ARL15: variants seen among roughly 807,000 people sequenced by gnomAD.
ARL15 encodes ARF like GTPase 15.
In ARL15, 19 loss-of-function variants were observed where a neutral mutation model predicts 25.2. The observed-to-expected ratio is 0.75, with a 90% CI of 0.53 to 1.10. The LOEUF is 1.10. Ranked by LOEUF, ARL15 falls within the 50% of genes least tolerant of loss-of-function variation. The pLI is 0.00. For synonymous variants in ARL15, 94 were observed against 86.8 expected (o/e 1.08, Z -0.46); for missense variants, 220 against 246.0 (o/e 0.89, Z 0.71).
At chr5:53,890,358 T>G (rs1744672818) in intron 4 of ARL15, among the ~76,000 whole-genome samples, 1 of 152,202 alleles carries the variant, frequency 6.6e-6, no homozygotes, top group Non-Finnish European at 1.5e-5. Context: ...AATGATCTAT[T>G]TTTTATGATG....
intron 4 of ARL15, among the ~76,000 whole-genome samples, chr5:54,066,432 T>C (rs914883067): frequency 6.6e-6 from 1 of 152,218 alleles, no homozygotes; most frequent in Non-Finnish European, 1.5e-5. Flanking sequence ...TTAGATGTTA[T>C]ATAGCATGAA....
chr5:54,184,777 C>T (rs1016764128), intron 1 of ARL15, among the ~76,000 whole-genome samples: 1 of 152,114 alleles, frequency 6.6e-6, no homozygotes, highest in Non-Finnish European at 1.5e-5. Flanking sequence ...ATGAATCTGT[C>T]CAACTTTGCC....
intron 1 of ARL15, among the ~76,000 whole-genome samples, chr5:54,193,173 C>G (rs1489761491): frequency 6.6e-6 from 1 of 152,110 alleles, no homozygotes; most frequent in Non-Finnish European, 1.5e-5. Flanking sequence ...TCAATCCTAC[C>G]ACCCACAAAA....
intron 4 of ARL15, among the ~76,000 whole-genome samples, chr5:53,982,343 AC>A (rs1748151201): frequency 1.6e-5 from 1 of 61,080 alleles, no homozygotes; most frequent in Admixed American, 1.5e-4. Flanking sequence ...CTACCCCCCC[AC>A]CCCCTGACAG....
chr5:54,129,854 C>A (rs1387500395), intron 3 of ARL15, among the ~76,000 whole-genome samples: 2 of 152,110 alleles, frequency 1.3e-5, no homozygotes, highest in Non-Finnish European at 1.5e-5. Context: ...GATGAGAATT[C>A]TTTTTAAAAC....
chr5:54,268,801 G>A (rs1757698777), intron 1 of ARL15, among the ~76,000 whole-genome samples: 1 of 152,126 alleles, frequency 6.6e-6, no homozygotes. Flanking sequence ...ATTCACAATA[G>A]CAAAGACTTG....
At chr5:54,223,303 G>C (rs146288371) in intron 1 of ARL15, among the ~76,000 whole-genome samples, 231 of 152,050 alleles carry the variant, frequency 1.5e-3, no homozygotes, top group African/African-American at 5.3e-3. Flanking sequence ...GACCACCTAG[G>C]ATATGTTTGT....
intron 4 of ARL15, among the ~76,000 whole-genome samples, chr5:54,097,626 C>G (rs156825): frequency 0.21 from 31,395 of 152,088 alleles, 3,972 homozygotes; most frequent in East Asian, 0.68. Flanking sequence ...AAGTAGATCA[C>G]TTTTAGGTTC....
intron 4 of ARL15, among the ~76,000 whole-genome samples, chr5:54,089,441 A>G (rs1372764945): frequency 3.9e-5 from 6 of 152,218 alleles, no homozygotes; most frequent in African/African-American, 1.4e-4. Flanking sequence ...AATCCTCCCC[A>G]TAATTATGGA....
intron 1 of ARL15, among the ~76,000 whole-genome samples, chr5:54,203,026 G>A (rs1398354319): frequency 6.6e-6 from 1 of 152,062 alleles, no homozygotes; most frequent in African/African-American, 2.4e-5. Flanking sequence ...ATTTCAGGGG[G>A]TTCCCTATTT....
chr5:54,086,061 TGC>T (rs1396382055), intron 4 of ARL15, among the ~76,000 whole-genome samples: 1 of 152,064 alleles, frequency 6.6e-6, no homozygotes, highest in Non-Finnish European at 1.5e-5. Flanking sequence ...ATTACAGGCA[TGC>T]GCCACCACGC....
chr5:54,035,617 A>G (rs1430086318), intron 4 of ARL15, among the ~76,000 whole-genome samples: 1 of 152,244 alleles, frequency 6.6e-6, no homozygotes, highest in Non-Finnish European at 1.5e-5. Context: ...TCCAGGAACT[A>G]GACATCATTA....
chr5:54,157,393 T>A (rs895753255), intron 2 of ARL15, among the ~76,000 whole-genome samples: 1 of 152,116 alleles, frequency 6.6e-6, no homozygotes, highest in Admixed American at 6.6e-5. Context: ...CTAAGCAAAG[T>A]ATCCTAGCAA....
At chr5:53,904,512 G>A (rs1003165193) in intron 4 of ARL15, among the ~76,000 whole-genome samples, 1 of 152,102 alleles carries the variant, frequency 6.6e-6, no homozygotes, top group African/African-American at 2.4e-5. Flanking sequence ...AACTACAAAG[G>A]ATTGAGAGGG....
chr5:53,943,169 CTATGTA>C (rs1157090625), intron 4 of ARL15, among the ~76,000 whole-genome samples: 1 of 151,878 alleles, frequency 6.6e-6, no homozygotes. Flanking sequence ...TTTTAACGGG[CTATGTA>C]TATAATTTTA....
chr5:54,044,077 T>A (rs1750431193), intron 4 of ARL15, among the ~76,000 whole-genome samples: 1 of 152,166 alleles, frequency 6.6e-6, no homozygotes, highest in Admixed American at 6.5e-5. Flanking sequence ...ACTCGCTCAT[T>A]AATTCACTCA....
At chr5:54,062,533 AC>A (rs869035274) in intron 4 of ARL15, among the ~76,000 whole-genome samples, 1 of 148,580 alleles carries the variant, frequency 6.7e-6, no homozygotes, top group Non-Finnish European at 1.5e-5. Flanking sequence ...AAAAAAAAAA[AC>A]AACAGAAGCT....
At chr5:53,982,303 T>C (rs1748146827) in intron 4 of ARL15, among the ~76,000 whole-genome samples, 1 of 151,914 alleles carries the variant, frequency 6.6e-6, no homozygotes, top group South Asian at 2.1e-4. Context: ...GTCATCTACA[T>C]TAGGTATTTC....
intron 2 of ARL15, among the ~76,000 whole-genome samples, chr5:54,155,275 T>C (rs1382966390): frequency 6.6e-6 from 1 of 152,184 alleles, no homozygotes; most frequent in Admixed American, 6.5e-5. Flanking sequence ...TTTGAAAGTA[T>C]AGAGAAATTT....
Sources: gnomAD v4.1 joint callset for allele counts (sites outside exome capture counted in the v4.1 genomes callset) on GRCh38, gnomAD v4.1.1 for gene constraint, MANE v1.5 for transcripts, NCBI Gene and HGNC (gene_info 2026-07-23, HGNC 2026-07-21) for gene names.